Variants in GOSR1 observed in about 807,000 individuals in gnomAD.
GOSR1 encodes the protein golgi SNAP receptor complex member 1.
A neutral mutation model predicts 35.5 loss-of-function variants in GOSR1; 21 were observed. That is an observed-to-expected ratio of 0.59 (90% CI 0.42 to 0.85). GOSR1 has a LOEUF of 0.85. Ranked by LOEUF, GOSR1 falls within the 40% of genes least tolerant of loss-of-function variation. The pLI is 0.00. For missense variants in GOSR1, 285 were observed against 309.6 expected (o/e 0.92, Z 0.60); for synonymous variants, 94 against 106.6 (o/e 0.88, Z 0.73).
At chr17:30,521,773 G>A (rs1291328370) in intron 8 of GOSR1, among the ~76,000 whole-genome samples, 1 of 152,140 alleles carries the variant, frequency 6.6e-6, no homozygotes. Flanking sequence ...AAAAGATCAG[G>A]TATTTCTTCA....
chr17:30,527,388 G>T lies in GOSR1; in HGVS notation c.*5010G>T, dbSNP rs1221508269. On this transcript the variant is annotated 3_prime_UTR_variant, in exon 9 of 9. Coordinates refer to ENST00000451249, the MANE Select transcript of GOSR1 (RefSeq NM_001007025.2). ...TTTTTTAAAAATCGTGTACTGCTGG[G>T]CTTTAGTACATTAGTTGTGCAACCA... The T allele has an allele frequency of 6.6e-5, 10 of 152,166 alleles. No individual in the cohort carries two copies. The highest frequency in any genetic ancestry group is 2.9e-5 in the Non-Finnish European group (2 of 68,042). The allele number at this position is 152,166 out of a possible 1,614,324, so 9.4% of individuals were successfully genotyped here. A position where few individuals can be genotyped will look rare whatever the true frequency, so the allele number is the denominator to read the frequency against.
At chr17:30,497,069 C>T (rs1567905682) in intron 6 of GOSR1, among the ~76,000 whole-genome samples, 1 of 152,082 alleles carries the variant, frequency 6.6e-6, no homozygotes, top group Non-Finnish European at 1.5e-5. Context: ...AGTATATTTT[C>T]ATTTAATCAT....
At chr17:30,493,477 A>G (rs967391754) in intron 6 of GOSR1, among the ~76,000 whole-genome samples, 1 of 152,238 alleles carries the variant, frequency 6.6e-6, no homozygotes, top group African/African-American at 2.4e-5. Flanking sequence ...TGTAATTACA[A>G]ATACTTGCTA....
At chr17:30,519,033 G>A (rs1250675498) in intron 7 of GOSR1, among the ~76,000 whole-genome samples, 1 of 151,696 alleles carries the variant, frequency 6.6e-6, no homozygotes, top group East Asian at 1.9e-4. Context: ...GATTGTGTTC[G>A]ACCAAAAGTG....
chr17:30,488,303 TC>T (rs1364928588), intron 4 of GOSR1, among the ~76,000 whole-genome samples: 2 of 150,896 alleles, frequency 1.3e-5, no homozygotes, highest in Admixed American at 1.3e-4. Context: ...TAGCTGGGAC[TC>T]CAGGCGCTCG....
chr17:30,518,065 G>T, intron 7 of GOSR1, among the ~76,000 whole-genome samples: 1 of 152,162 alleles, frequency 6.6e-6, no homozygotes, highest in Admixed American at 6.5e-5. Flanking sequence ...CTTTCTGGCT[G>T]CATGTAGCAG....
intron 6 of GOSR1, among the ~76,000 whole-genome samples, chr17:30,509,292 G>A (rs544957926): frequency 6.6e-6 from 1 of 151,904 alleles, no homozygotes; most frequent in Non-Finnish European, 1.5e-5. Flanking sequence ...GTATTTTTTA[G>A]TAGAGATGGG....
Position 30,481,159 on chromosome 17 carries a change from T to C in GOSR1, c.48T>C (p.Ala16=), listed in dbSNP as rs1337254552. The C allele has an allele frequency of 1.3e-6, 2 of 1,599,482 alleles. No individual in the cohort carries two copies. The highest frequency in any genetic ancestry group is 1.7e-5 in the Admixed American group (1 of 59,970). ...TTGTTAAAGATCTCAGGAAACAGGC[T>C]CGACAGCTGGAAAATGAACTTGACC... The part of the protein sequence containing the change: ...SSYWEDLRKQ[A]RQLENELDLK... The change falls in exon 2 of 9, where the codon GCT becomes GCC. Residue 16 remains alanine (A), a synonymous_variant. Coordinates refer to ENST00000451249, the MANE Select transcript of GOSR1 (RefSeq NM_001007025.2).
At chr17:30,505,481 A>T (rs1204229305) in intron 6 of GOSR1, among the ~76,000 whole-genome samples, 3 of 152,202 alleles carry the variant, frequency 2.0e-5, no homozygotes, top group African/African-American at 7.2e-5. Context: ...CACTTTACAG[A>T]TACTATTTTT....
chr17:30,489,217 C>T (rs1468357168), intron 4 of GOSR1, among the ~76,000 whole-genome samples: 1 of 152,072 alleles, frequency 6.6e-6, no homozygotes, highest in Non-Finnish European at 1.5e-5. Flanking sequence ...AACTCCATCT[C>T]TATTAAAAAT....
intron 6 of GOSR1, among the ~76,000 whole-genome samples, chr17:30,493,105 C>T (rs961434161): frequency 7.2e-5 from 11 of 152,098 alleles, no homozygotes; most frequent in African/African-American, 2.4e-4. Flanking sequence ...AGCGATTCTC[C>T]TGCCTCAGCC....
In GOSR1 at chr17:30,526,370, G is replaced by A. The variant is rs1968182648; in HGVS notation, c.*3992G>A. The A allele has an allele frequency of 6.6e-6, 1 of 152,210 alleles. No homozygotes were observed. Among genetic ancestry groups the A allele is most frequent in the African/African-American group, 2.4e-5 (1 of 41,438 alleles). 9.4% of individuals were successfully genotyped at this position (152,210 alleles called of 1,614,324 possible). A position where few individuals can be genotyped will look rare whatever the true frequency, so the allele number is the denominator to read the frequency against. On this transcript the variant is annotated 3_prime_UTR_variant, in exon 9 of 9. Coordinates refer to ENST00000451249, the MANE Select transcript of GOSR1 (RefSeq NM_001007025.2). ...TGAAAAACCATGACAATAGGGCTGG[G>A]TGCAGTGGCTCACGCCTGTAATCTT...
rs1215399785 is a variant in GOSR1, at chr17:30,524,290, G to A, written c.*1912G>A. 1 of 152,008 alleles carries A rather than the reference G, an allele frequency of 6.6e-6. No individual in the cohort carries two copies. The highest frequency in any genetic ancestry group is 1.5e-5 in the Non-Finnish European group (1 of 68,050). 9.4% of individuals were successfully genotyped at this position (152,008 alleles called of 1,614,324 possible). ...AATGAGAAATCACAAGTTCTTTCTT[G>A]ATGATCTGTGCTATAGATTTCTACT... On this transcript the variant is annotated 3_prime_UTR_variant, in exon 9 of 9. Transcript: ENST00000451249.
intron 7 of GOSR1, among the ~76,000 whole-genome samples, chr17:30,517,581 G>A (rs1967868701): frequency 6.8e-6 from 1 of 147,450 alleles, no homozygotes; most frequent in African/African-American, 2.6e-5. Context: ...GTTACTTCCA[G>A]TTTTGGGGGA....
intron 6 of GOSR1, among the ~76,000 whole-genome samples, chr17:30,504,329 T>C (rs745420677): frequency 6.6e-6 from 1 of 152,044 alleles, no homozygotes; most frequent in African/African-American, 2.4e-5. Context: ...ACCTGGCCAG[T>C]TGGTTTCATT....
At position 30,495,035 on chromosome 17, in the gene GOSR1, A is replaced by G. The variant is rs1477632365; in HGVS notation, c.509+2282A>G. Among the ~76,000 whole-genome samples, 13 of 151,944 alleles carry G rather than the reference A, an allele frequency of 8.6e-5. No homozygotes were observed. The East Asian group carries it at 2.5e-3, about 30-fold the overall frequency. ...AAAACCCATCTCTACTAAAAATACA[A>G]AAATTAGCCGGGTATGGTGGTGGGC... On this transcript the variant is annotated intron_variant, in intron 6 of 8. Transcript: ENST00000451249.
chr17:30,484,917 T>C (rs1221204619), intron 4 of GOSR1, 147 bp downstream of exon 4: 2 of 677,282 alleles, frequency 3.0e-6, no homozygotes, highest in Admixed American at 4.7e-5. Flanking sequence ...GGGACTTGTT[T>C]TACTTTTTTT....
At chr17:30,522,191 T>G in intron 8 of GOSR1, 63 bp from the exon 9 acceptor site, 3 of 1,415,008 alleles carry the variant, frequency 2.1e-6, no homozygotes, top group Non-Finnish European at 1.9e-6. Flanking sequence ...ATTTTTGTGA[T>G]TCCTACGACT....
At chr17:30,496,900 C>G (rs956789883) in intron 6 of GOSR1, among the ~76,000 whole-genome samples, 2 of 152,146 alleles carry the variant, frequency 1.3e-5, no homozygotes, top group Non-Finnish European at 2.9e-5. Flanking sequence ...TAGAAGTACT[C>G]TCTGATTTAT....
Sources: gnomAD v4.1 joint callset for allele counts (sites outside exome capture counted in the v4.1 genomes callset) on GRCh38, gnomAD v4.1.1 for gene constraint, MANE v1.5 for transcripts, NCBI Gene and HGNC (gene_info 2026-07-23, HGNC 2026-07-21) for gene names.